Variants in FGF13 observed in about 807,000 individuals in gnomAD.
FGF13 encodes fibroblast growth factor 13.
A neutral mutation model predicts 19.5 loss-of-function variants in FGF13; 2 were observed. The ratio of observed to expected loss-of-function variants is 0.10; its 90% CI spans 0.04 to 0.32. The LOEUF is 0.32. Ranked by LOEUF, FGF13 falls within the 10% of genes least tolerant of loss-of-function variation. The pLI, the probability that FGF13 is intolerant of heterozygous loss-of-function variation, is 1.00. For synonymous variants in FGF13, 72 were observed against 76.9 expected, an observed-to-expected ratio of 0.94 and a Z score of 0.33; for missense variants, 113 against 192.7, an observed-to-expected ratio of 0.59 and a Z score of 2.45.
At chrX:138,751,837 A>G (rs1448475140) in intron 3 of FGF13, among the ~76,000 whole-genome samples, 1 of 111,828 alleles carries the variant, frequency 8.9e-6, no homozygotes, top group East Asian at 2.8e-4. Flanking sequence ...CATTGTTATC[A>G]TCATCATCAA....
chrX:139,060,332 T>C (rs1260283549), intron 1 of FGF13, among the ~76,000 whole-genome samples: 2 of 111,493 alleles, frequency 1.8e-5, no homozygotes, highest in Non-Finnish European at 1.9e-5. Context: ...TTTGCTGCTA[T>C]AGTGAATGGG....
At chrX:139,126,421 T>C (rs917013548) in intron 1 of FGF13, among the ~76,000 whole-genome samples, 2 of 110,982 alleles carry the variant, frequency 1.8e-5, no homozygotes, top group African/African-American at 3.3e-5. Context: ...CCTGCCCCTA[T>C]CAAAGTACGA....
intron 1 of FGF13, among the ~76,000 whole-genome samples, chrX:138,885,740 G>A (rs761918491): frequency 1.9e-4 from 20 of 107,922 alleles, no homozygotes; most frequent in African/African-American, 2.7e-4. Flanking sequence ...GGCCCCTCTT[G>A]AATGTTAACT....
chrX:138,825,996 G>A (rs1316588725), intron 3 of FGF13, among the ~76,000 whole-genome samples: 2 of 111,411 alleles, frequency 1.8e-5, no homozygotes, highest in African/African-American at 6.5e-5. Flanking sequence ...CAACCTATGA[G>A]GACGTCTAGA....
chrX:139,190,937 G>A (rs1243762404), intron 1 of FGF13, among the ~76,000 whole-genome samples: 3 of 111,540 alleles, frequency 2.7e-5, no homozygotes, highest in Non-Finnish European at 5.6e-5. Flanking sequence ...CCAAAGAAAC[G>A]TGCGAGTACA....
At chrX:138,704,414 C>T (rs2089975950) in intron 2 of FGF13, among the ~76,000 whole-genome samples, 1 of 112,458 alleles carries the variant, frequency 8.9e-6, no homozygotes, top group African/African-American at 3.2e-5. Context: ...GTGCACCTTT[C>T]TCTCAGGAGT....
At chrX:139,024,696 T>G (rs1292779552) in intron 1 of FGF13, among the ~76,000 whole-genome samples, 1 of 111,597 alleles carries the variant, frequency 9.0e-6, no homozygotes, top group Non-Finnish European at 1.9e-5. Flanking sequence ...TAATGGAACC[T>G]GGCTCTTCTC....
intron 2 of FGF13, among the ~76,000 whole-genome samples, chrX:138,861,105 T>C (rs1054180937): frequency 8.9e-6 from 1 of 112,451 alleles, no homozygotes; most frequent in Non-Finnish European, 1.9e-5. Flanking sequence ...TTCCATTGAC[T>C]AACCATCAGG....
intron 1 of FGF13, among the ~76,000 whole-genome samples, chrX:138,945,853 T>C (rs1307798432): frequency 4.5e-5 from 5 of 111,955 alleles, no homozygotes; most frequent in African/African-American, 6.5e-5. Context: ...AATTAGATGA[T>C]ATAGATAAAT....
chrX:139,153,941 AAGCACTCTCCC>A (rs2083956318), intron 1 of FGF13, among the ~76,000 whole-genome samples: 1 of 111,049 alleles, frequency 9.0e-6, no homozygotes, highest in Non-Finnish European at 1.9e-5. Context: ...AGAGGCAAGG[AAGCACTCTCCC>A]CTAGAGTCCT....
intron 3 of FGF13, among the ~76,000 whole-genome samples, chrX:138,753,418 G>T (rs1256105419): frequency 1.8e-5 from 2 of 112,268 alleles, no homozygotes; most frequent in Non-Finnish European, 3.8e-5. Context: ...CATTTTCATG[G>T]CTATGAGCTA....
intron 1 of FGF13, among the ~76,000 whole-genome samples, chrX:139,059,462 T>C (rs1430215764): frequency 9.1e-6 from 1 of 109,740 alleles, no homozygotes; most frequent in Non-Finnish European, 1.9e-5. Context: ...GAATATTCTC[T>C]AAGTAAAAAA....
intron 3 of FGF13, among the ~76,000 whole-genome samples, chrX:138,757,098 C>A (rs2090436237): frequency 9.0e-6 from 1 of 110,906 alleles, no homozygotes; most frequent in Non-Finnish European, 1.9e-5. Context: ...TGAGAAACAA[C>A]CCTGTCTGTG....
chrX:138,779,497 T>A (rs1286686220), intron 3 of FGF13, among the ~76,000 whole-genome samples: 1 of 107,978 alleles, frequency 9.3e-6, no homozygotes, highest in African/African-American at 3.4e-5. Flanking sequence ...AAACCAAGGC[T>A]CGAGAACTAC....
chrX:139,135,572 A>G (rs12387343), intron 1 of FGF13, among the ~76,000 whole-genome samples: 19,880 of 111,269 alleles, frequency 0.18, 1,406 homozygotes, highest in East Asian at 0.28. Flanking sequence ...TGGTCTTGGT[A>G]TCAATGATCA....
intron 1 of FGF13, among the ~76,000 whole-genome samples, chrX:138,941,901 G>C (rs2091760003): frequency 8.9e-6 from 1 of 112,350 alleles, no homozygotes; most frequent in South Asian, 3.7e-4. Context: ...TAATCTGGAA[G>C]AGCACCAGAT....
intron 1 of FGF13, among the ~76,000 whole-genome samples, chrX:139,048,563 GTTT>G (rs754951194): frequency 3.4e-5 from 3 of 88,693 alleles, no homozygotes; most frequent in African/African-American, 1.2e-4. Context: ...TACAGCTCTT[GTTT>G]TTTTTTTTTT....
At chrX:138,914,928 T>C (rs1314003554) in intron 1 of FGF13, among the ~76,000 whole-genome samples, 1 of 111,489 alleles carries the variant, frequency 9.0e-6, no homozygotes, top group East Asian at 2.8e-4. Context: ...TGGACAATTC[T>C]TTATGGCAAT....
chrX:138,778,661 G>A (rs1465259572), intron 3 of FGF13, among the ~76,000 whole-genome samples: 1 of 112,259 alleles, frequency 8.9e-6, no homozygotes, highest in Non-Finnish European at 1.9e-5. Flanking sequence ...GGCTCGGAGG[G>A]TGCTAGGCCC....
Sources: gnomAD v4.1 joint callset for allele counts (sites outside exome capture counted in the v4.1 genomes callset) on GRCh38, gnomAD v4.1.1 for gene constraint, MANE v1.5 for transcripts, NCBI Gene and HGNC (gene_info 2026-07-23, HGNC 2026-07-21) for gene names.